Variants in SORL1 observed in about 807,000 individuals in gnomAD.
SORL1 encodes sortilin-related receptor.
SORL1 carries 127 observed loss-of-function variants against 273.7 expected under a neutral mutation model. The observed-to-expected ratio is 0.46, with a 90% CI of 0.40 to 0.54. The LOEUF (loss-of-function observed/expected upper bound fraction) is 0.54. Ranked by LOEUF, SORL1 falls within the 20% of genes least tolerant of loss-of-function variation. The pLI, the probability that SORL1 is intolerant of heterozygous loss-of-function variation, is 0.00. For synonymous variants in SORL1, 1,031 were observed against 1,067.4 expected, an observed-to-expected ratio of 0.97 and a Z score of 0.66; for missense variants, 2,494 against 2,846.1, an observed-to-expected ratio of 0.88 and a Z score of 2.81.
chr11:121,572,636 C>A (rs888436781), intron 23 of SORL1, among the ~76,000 whole-genome samples: 1 of 152,056 alleles, frequency 6.6e-6, no homozygotes, highest in Non-Finnish European at 1.5e-5. Flanking sequence ...GGAGCTGGAC[C>A]GCAGTGACTG....
chr11:121,517,273 T>C (rs2134850920), intron 8 of SORL1, among the ~76,000 whole-genome samples: 1 of 152,230 alleles, frequency 6.6e-6, no homozygotes, highest in African/African-American at 2.4e-5. Context: ...GTCAGTCTGA[T>C]TTCTGTGTCT....
intron 16 of SORL1, among the ~76,000 whole-genome samples, chr11:121,553,106 AG>A (rs1166329209): frequency 5.9e-5 from 9 of 152,192 alleles, no homozygotes; most frequent in Non-Finnish European, 2.9e-5. Context: ...AGCACAGTGT[AG>A]TGGTTAAAGC....
intron 27 of SORL1, 131 bp from the exon 28 acceptor site, chr11:121,587,889 T>A (rs1165808140): frequency 4.3e-5 from 43 of 1,007,028 alleles, no homozygotes; most frequent in Non-Finnish European, 6.0e-5. Flanking sequence ...AGAAAACAAG[T>A]GCTCAATAAA....
chr11:121,501,711 C>T (rs560133900), intron 6 of SORL1, among the ~76,000 whole-genome samples: 1 of 152,234 alleles, frequency 6.6e-6, no homozygotes, highest in East Asian at 1.9e-4. Flanking sequence ...ATCATGAGAA[C>T]AGCACAGGAA....
chr11:121,570,400 G>A, intron 23 of SORL1, 130 bp downstream of exon 23: 1 of 570,882 alleles, frequency 1.8e-6, no homozygotes, highest in South Asian at 2.8e-5. Context: ...AAGTTGATGG[G>A]GCTTAGATGA....
intron 32 of SORL1, among the ~76,000 whole-genome samples, chr11:121,602,914 G>A (rs1356105139): frequency 1.3e-5 from 2 of 152,214 alleles, no homozygotes; most frequent in African/African-American, 4.8e-5. Context: ...GGGGCAGGGT[G>A]CGGGGAGCAG....
chr11:121,461,441 A>T (rs1860999571), intron 1 of SORL1, among the ~76,000 whole-genome samples: 1 of 152,216 alleles, frequency 6.6e-6, no homozygotes, highest in African/African-American at 2.4e-5. Context: ...ACCTCCTGGT[A>T]GCCCAGAGGG....
At position 121,555,078 on chromosome 11, in the gene SORL1, T is replaced by C. The variant is rs945617823; in HGVS notation, c.2440-109T>C. On this transcript the variant is annotated intron_variant, in intron 17 of 47. Coordinates refer to ENST00000260197, the MANE Select transcript of SORL1 (RefSeq NM_003105.6). ...AAGTTTACTAACGTAAAACATCTCA[T>C]CCCTTGCCAGTCCTGCCAGTTGAAT... is the stretch of plus-strand genomic sequence containing the variant. 3 of 1,219,828 alleles carry C rather than the reference T, an allele frequency of 2.5e-6. No individual in the cohort carries two copies. In the African/African-American group the frequency reaches 4.6e-5, roughly 19 times the overall value. 75.6% of individuals were successfully genotyped at this position (1,219,828 alleles called of 1,614,324 possible).
At chr11:121,580,935 G>A (rs1200354958) in intron 25 of SORL1, among the ~76,000 whole-genome samples, 2 of 91,278 alleles carry the variant, frequency 2.2e-5, no homozygotes, top group Admixed American at 1.2e-4. Flanking sequence ...TTTTTTTTTT[G>A]AGACGGGGTC....
intron 10 of SORL1, 61 bp from the exon 11 acceptor site, chr11:121,522,855 G>A (rs529193222): frequency 6.7e-7 from 1 of 1,489,740 alleles, no homozygotes; most frequent in African/African-American, 1.4e-5. Context: ...TTTCTGGCTG[G>A]GCAAGGTGAT....
intron 1 of SORL1, among the ~76,000 whole-genome samples, chr11:121,461,618 A>G (rs1861002249): frequency 1.3e-5 from 2 of 152,194 alleles, no homozygotes; most frequent in Admixed American, 1.3e-4. Flanking sequence ...TCTTGGAGTT[A>G]GGAAAGTGCT....
chr11:121,498,690 A>G (rs1334441099), intron 6 of SORL1, among the ~76,000 whole-genome samples: 1 of 152,210 alleles, frequency 6.6e-6, no homozygotes, highest in Non-Finnish European at 1.5e-5. Context: ...AGCCTGGTCA[A>G]CATGGTGAAA....
intron 31 of SORL1, among the ~76,000 whole-genome samples, 164 bp downstream of exon 31, chr11:121,591,320 T>C (rs1057373124): frequency 2.6e-5 from 4 of 152,232 alleles, no homozygotes; most frequent in Non-Finnish European, 5.9e-5. Context: ...CAGGGAAGGC[T>C]GATTTCTAGC....
In SORL1 at chr11:121,550,742, C is replaced by A; in HGVS notation, c.2266+72C>A. The A allele has an allele frequency of 3.3e-6, 4 of 1,222,220 alleles. No individual in the cohort carries two copies. Among genetic ancestry groups the A allele is most frequent in the Non-Finnish European group, 4.7e-6 (4 of 853,392 alleles). 75.7% of individuals were successfully genotyped at this position (1,222,220 alleles called of 1,614,324 possible). ...AGCAGTATCACGATCTCACCCAAGT[C>A]CGGGCTTGTGGCTCCTTTAATTGAG... is the stretch of plus-strand genomic sequence containing the variant. On this transcript the variant is annotated intron_variant, in intron 16 of 47. Transcript: ENST00000260197. The surrounding 1 kb of genome is among the most constrained non-coding windows in gnomAD (Gnocchi z 5.3).
chr11:121,558,485 C>T (rs776754944), intron 19 of SORL1, 106 bp from the exon 20 acceptor site: 13 of 1,175,034 alleles, frequency 1.1e-5, no homozygotes, highest in African/African-American at 3.0e-5. Flanking sequence ...GCTGAAATAA[C>T]CAGCCGGATC....
chr11:121,629,725 A>C lies in SORL1; in HGVS notation c.*162A>C. The C allele has an allele frequency of 1.7e-6, 1 of 593,936 alleles. No individual in the cohort carries two copies. Among genetic ancestry groups the C allele is most frequent in the Admixed American group, 3.1e-5 (1 of 32,278 alleles). 36.8% of individuals were successfully genotyped at this position (593,936 alleles called of 1,614,324 possible). ...AAAAAAGGAAAGAAAGGAATGAATA[A>C]ACTTTGTAGTAATCAACTGTGAACT... On this transcript the variant is annotated 3_prime_UTR_variant, in exon 48 of 48. Coordinates refer to ENST00000260197, the MANE Select transcript of SORL1 (RefSeq NM_003105.6).
intron 41 of SORL1, 50 bp from the exon 42 acceptor site, chr11:121,618,724 G>A: frequency 6.2e-7 from 1 of 1,610,896 alleles, no homozygotes; most frequent in Non-Finnish European, 8.5e-7. Context: ...AAGGAAATGA[G>A]ATCATCGGCC....
chr11:121,560,996 C>T (rs1222899865), intron 21 of SORL1, among the ~76,000 whole-genome samples: 1 of 152,238 alleles, frequency 6.6e-6, no homozygotes, highest in Non-Finnish European at 1.5e-5. Flanking sequence ...AATCTTGCTT[C>T]TCAGCTCCAG....
chr11:121,522,304 C>G (rs1234152402), intron 9 of SORL1, among the ~76,000 whole-genome samples: 3 of 152,242 alleles, frequency 2.0e-5, no homozygotes, highest in Non-Finnish European at 4.4e-5. Context: ...ACTTTCCCAT[C>G]TACTTGAGTT....
Sources: allele counts gnomAD v4.1 joint callset (sites outside exome capture counted in the v4.1 genomes callset), GRCh38; gene constraint gnomAD v4.1.1; non-coding constraint Gnocchi (gnomAD v3.1); transcripts MANE v1.5; gene names NCBI Gene and HGNC (gene_info 2026-07-23, HGNC 2026-07-21).